EMC3: variants seen among roughly 807,000 people sequenced by gnomAD.
The protein encoded by EMC3 is 30 kDa protein.
A neutral mutation model predicts 36.6 loss-of-function variants in EMC3; 13 were observed. That is an observed-to-expected ratio of 0.35 (90% CI 0.23 to 0.56). EMC3 has a LOEUF of 0.56. Among genes scored for constraint, EMC3 ranks in the 20% least tolerant of loss-of-function variants. The pLI is 0.84. For missense variants in EMC3, 220 were observed against 324.5 expected, an observed-to-expected ratio of 0.68 and a Z score of 2.47; for synonymous variants, 120 against 111.9, an observed-to-expected ratio of 1.07 and a Z score of -0.46.
In EMC3 at chr3:9,986,786, C is replaced by T; in HGVS notation, c.-125G>A. ...CTTTGCCCGTGTACCCCAGAACTCT[C>T]CTGCGACTGTGAGCCGAGCTTACTG... On this transcript the variant is annotated 5_prime_UTR_variant, in exon 1 of 8. Coordinates refer to ENST00000245046, the MANE Select transcript of EMC3 (RefSeq NM_001394674.1). The T allele has an allele frequency of 6.7e-7, 1 of 1,486,730 alleles. No homozygotes were observed. The highest frequency in any genetic ancestry group is 8.9e-7 in the Non-Finnish European group (1 of 1,118,578). 92.1% of individuals were successfully genotyped at this position (1,486,730 alleles called of 1,614,324 possible). A position where few individuals can be genotyped will look rare whatever the true frequency, so the allele number is the denominator to read the frequency against.
chr3:9,966,632 A>C (rs921610664), intron 7 of EMC3, among the ~76,000 whole-genome samples: 1 of 148,594 alleles, frequency 6.7e-6, no homozygotes, highest in Non-Finnish European at 1.5e-5. Context: ...TGCATCTGCA[A>C]TGGTGGATCT....
chr3:9,986,885 G>A, upstream of EMC3: 7 of 1,343,832 alleles, frequency 5.2e-6, no homozygotes, highest in Non-Finnish European at 5.7e-6. Flanking sequence ...CCTCAGTGGC[G>A]TCAGAGCGGC....
At chr3:9,990,378 A>C (rs1308282510), upstream of EMC3, among the ~76,000 whole-genome samples, 2 of 132,844 alleles carry the variant, frequency 1.5e-5, no homozygotes, top group Non-Finnish European at 3.1e-5. Flanking sequence ...TCTGTCACCG[A>C]AGGTGGAGTG....
intron 5 of EMC3, 57 bp from the exon 6 acceptor site, chr3:9,970,718 T>C: frequency 1.3e-6 from 2 of 1,551,310 alleles, no homozygotes; most frequent in Non-Finnish European, 1.8e-6. Flanking sequence ...AGTAATGCAG[T>C]TCCCACTTCC....
intron 1 of EMC3, chr3:9,992,743 G>C (rs2086070204): frequency 1.6e-6 from 1 of 640,138 alleles, no homozygotes; most frequent in Non-Finnish European, 2.7e-6. Context: ...GAAAAGTGTA[G>C]ATACTACCAG....
At chr3:9,975,155 G>A (rs542335659) in intron 3 of EMC3, among the ~76,000 whole-genome samples, 23 of 152,204 alleles carry the variant, frequency 1.5e-4, no homozygotes, top group African/African-American at 3.9e-4. Context: ...GTCAGCCACC[G>A]TACCCAGTCT....
chr3:9,992,985 C>T, intron 1 of EMC3: 5 of 1,572,898 alleles, frequency 3.2e-6, no homozygotes, highest in Non-Finnish European at 4.4e-6. Flanking sequence ...ACAGCTGCTC[C>T]AGAGTACATT....
intron 5 of EMC3, among the ~76,000 whole-genome samples, chr3:9,973,146 C>T (rs1249877913): frequency 6.6e-6 from 1 of 150,536 alleles, no homozygotes; most frequent in Non-Finnish European, 1.5e-5. Context: ...CTTTAAGGGA[C>T]ACTGGTTTTA....
intron 6 of EMC3, among the ~76,000 whole-genome samples, chr3:9,970,017 A>G (rs1483794623): frequency 2.6e-5 from 4 of 152,218 alleles, no homozygotes; most frequent in African/African-American, 9.7e-5. Context: ...AGGAAGCTCT[A>G]AACTTTATTT....
At chr3:9,973,494 T>G (rs2085810408) in intron 5 of EMC3, 134 bp downstream of exon 5, 2 of 747,496 alleles carry the variant, frequency 2.7e-6, no homozygotes, top group Admixed American at 2.3e-5. Context: ...GCGCCCGGCC[T>G]GTTTTCGTTT....
At position 9,981,949 on chromosome 3, in the gene EMC3, ATT is replaced by A. The variant is rs5846650; in HGVS notation, c.156-4505_156-4504del. Among the ~76,000 whole-genome samples the A allele has an allele frequency of 2.0e-3, 294 of 147,614 alleles. 4 individuals carry two copies. In the South Asian group the frequency reaches 0.022, roughly 11 times the overall value. ...TTTGGTTTAATACCTGTTAAAAAAA[ATT>A]TTTTTTTTTTTTGAGACATTGTCTC... On this transcript the variant is annotated intron_variant, in intron 1 of 7. Transcript: ENST00000245046.
chr3:9,970,948 A>G (rs2085779010), intron 5 of EMC3, among the ~76,000 whole-genome samples: 1 of 149,584 alleles, frequency 6.7e-6, no homozygotes, highest in South Asian at 2.1e-4. Flanking sequence ...TTTGAGACGG[A>G]GTCTCACCCT....
chr3:9,998,875 G>A (rs2086163411), intron 1 of EMC3, among the ~76,000 whole-genome samples: 1 of 152,066 alleles, frequency 6.6e-6, no homozygotes, highest in African/African-American at 2.4e-5. Context: ...TCTCATGTCA[G>A]CCTTCTGAGT....
In EMC3 at chr3:9,979,917, C is replaced by A. The variant is rs12715665; in HGVS notation, c.156-2471G>T. Among the ~76,000 whole-genome samples, 39 of 151,692 alleles carry A rather than the reference C, an allele frequency of 2.6e-4. 1 individual carries two copies. The highest frequency in any genetic ancestry group is 5.0e-4 in the Non-Finnish European group (34 of 67,970). ...CCTCTGAGGACCTGAGAAAAGGCCA[C>A]ATGACTGGAAAAAGGAGAACTATAG... On this transcript the variant is annotated intron_variant, in intron 1 of 7. Transcript: ENST00000245046.
chr3:9,988,777 A>G (rs1267579390), upstream of EMC3: 6 of 1,313,712 alleles, frequency 4.6e-6, no homozygotes, highest in Non-Finnish European at 6.5e-6. Context: ...CATTTTCAGT[A>G]TTGCAGACTT....
At chr3:9,984,206 C>G (rs2085943274) in intron 1 of EMC3, among the ~76,000 whole-genome samples, 1 of 152,046 alleles carries the variant, frequency 6.6e-6, no homozygotes, top group Non-Finnish European at 1.5e-5. Flanking sequence ...CTCAGCCTCC[C>G]GAGTAGCTGG....
upstream of EMC3, chr3:9,988,375 C>T (rs1575688843): frequency 8.3e-7 from 1 of 1,203,836 alleles, no homozygotes; most frequent in East Asian, 2.3e-5. Context: ...CTTGTAATTC[C>T]TCAGGAAATC....
At chr3:9,976,639 A>G (rs73015260) in intron 3 of EMC3, among the ~76,000 whole-genome samples, 9,863 of 152,198 alleles carry the variant, frequency 0.065, 431 homozygotes, top group Non-Finnish European at 0.097. Flanking sequence ...TGCTTTACCA[A>G]CTGTGCTCCC....
intron 1 of EMC3, among the ~76,000 whole-genome samples, 155 bp downstream of exon 1, chr3:9,986,352 T>C (rs541250896): frequency 5.9e-5 from 9 of 152,268 alleles, no homozygotes; most frequent in Admixed American, 5.2e-4. Flanking sequence ...TCATCCCCAT[T>C]TCACAGAGGA....
Sources: allele counts gnomAD v4.1 joint callset (sites outside exome capture counted in the v4.1 genomes callset), GRCh38; gene constraint gnomAD v4.1.1; transcripts MANE v1.5; gene names NCBI Gene and HGNC (gene_info 2026-07-23, HGNC 2026-07-21).